The following GPAT3 variants were observed in gnomAD, a reference collection of about 807,000 sequenced individuals.
The protein encoded by GPAT3 is glycerol-3-phosphate acyltransferase 3.
GPAT3 carries 53 observed loss-of-function variants against 58.8 expected under a neutral mutation model. The observed-to-expected ratio is 0.90, with a 90% confidence interval of 0.72 to 1.13. The LOEUF is 1.13. Among genes scored for constraint, GPAT3 ranks in the 50% most tolerant of loss-of-function variants. GPAT3 has a pLI of 0.00. For synonymous variants in GPAT3, 197 were observed against 187.4 expected, an observed-to-expected ratio of 1.05 and a Z score of -0.42; for missense variants, 511 against 527.6, an observed-to-expected ratio of 0.97 and a Z score of 0.31.
chr4:83,587,679 G>A (rs1726430409), intron 4 of GPAT3, among the ~76,000 whole-genome samples: 1 of 152,076 alleles, frequency 6.6e-6, no homozygotes, highest in Admixed American at 6.6e-5. Flanking sequence ...GCTTTCCTTG[G>A]CCTCCCAAAG....
At chr4:83,603,267 A>T (rs1414584337) in intron 11 of GPAT3, among the ~76,000 whole-genome samples, 1 of 152,208 alleles carries the variant, frequency 6.6e-6, no homozygotes, top group Admixed American at 6.5e-5. Context: ...CAGCAACTCC[A>T]GTTTGTTGTT....
chr4:83,591,570 C>T (rs1726602227), intron 6 of GPAT3, among the ~76,000 whole-genome samples: 1 of 152,136 alleles, frequency 6.6e-6, no homozygotes, highest in Non-Finnish European at 1.5e-5. Context: ...ATACAAACAA[C>T]AATTTTATGT....
chr4:83,555,495 G>A (rs1246471358), intron 2 of GPAT3, among the ~76,000 whole-genome samples: 2 of 152,224 alleles, frequency 1.3e-5, no homozygotes, highest in African/African-American at 2.4e-5. Context: ...CAGGTGCCTG[G>A]TGGGAGGTGC....
chr4:83,536,983 T>C (rs1329827802), intron 1 of GPAT3, among the ~76,000 whole-genome samples: 1 of 152,202 alleles, frequency 6.6e-6, no homozygotes, highest in East Asian at 1.9e-4. Flanking sequence ...GACCACTCTG[T>C]TGTTTCTCTG....
At chr4:83,571,699 C>T (rs193274865) in intron 2 of GPAT3, among the ~76,000 whole-genome samples, 128 of 101,104 alleles carry the variant, frequency 1.3e-3, no homozygotes, top group Non-Finnish European at 2.8e-3. Context: ...TATATATATA[C>T]ACACACACAT....
chr4:83,567,788 A>AACAAC (rs1560614483), intron 2 of GPAT3, among the ~76,000 whole-genome samples: 8 of 152,200 alleles, frequency 5.3e-5, no homozygotes, highest in African/African-American at 1.9e-4. Context: ...ACAACAACAA[A>AACAAC]AAAAGCCTGG....
At chr4:83,542,098 G>T (rs1724326595) in intron 1 of GPAT3, among the ~76,000 whole-genome samples, 1 of 152,106 alleles carries the variant, frequency 6.6e-6, no homozygotes, top group Non-Finnish European at 1.5e-5. Context: ...CCCATAACAG[G>T]CACGGAATAC....
intron 2 of GPAT3, among the ~76,000 whole-genome samples, chr4:83,565,002 T>G (rs1046110611): frequency 6.6e-6 from 1 of 151,898 alleles, no homozygotes; most frequent in Non-Finnish European, 1.5e-5. Flanking sequence ...CAGATGTCTA[T>G]CTAGTTGTCG....
intron 2 of GPAT3, among the ~76,000 whole-genome samples, chr4:83,562,211 T>TATTA (rs55826032): frequency 4.1e-5 from 3 of 73,008 alleles, no homozygotes; most frequent in Non-Finnish European, 7.4e-5. Flanking sequence ...TATATATATA[T>TATTA]TATATATATA....
At chr4:83,571,735 T>C (rs1434864998) in intron 2 of GPAT3, among the ~76,000 whole-genome samples, 9 of 150,548 alleles carry the variant, frequency 6.0e-5, no homozygotes, top group Non-Finnish European at 8.9e-5. Flanking sequence ...TATATATATA[T>C]ACACGCATAT....
intron 2 of GPAT3, among the ~76,000 whole-genome samples, chr4:83,549,705 T>C (rs1410296571): frequency 7.9e-6 from 1 of 127,132 alleles, no homozygotes; most frequent in Non-Finnish European, 1.7e-5. Context: ...CTAATTTTTG[T>C]ATATATTTAT....
At chr4:83,574,938 C>G (rs1425355388) in intron 2 of GPAT3, among the ~76,000 whole-genome samples, 5 of 144,242 alleles carry the variant, frequency 3.5e-5, no homozygotes, top group Non-Finnish European at 7.5e-5. Flanking sequence ...TGCAGTGGCG[C>G]GATCTCGGCT....
At chr4:83,599,504 T>A (rs1459269523) in intron 11 of GPAT3, among the ~76,000 whole-genome samples, 3 of 152,206 alleles carry the variant, frequency 2.0e-5, no homozygotes, top group African/African-American at 2.4e-5. Context: ...GGTGGCTATA[T>A]GCCTATCTCA....
chr4:83,595,989 C>G (rs1276026269), intron 7 of GPAT3, among the ~76,000 whole-genome samples: 1 of 152,222 alleles, frequency 6.6e-6, no homozygotes, highest in Non-Finnish European at 1.5e-5. Context: ...CAGCTGCAGT[C>G]TGGCTACCTC....
At chr4:83,561,138 C>T (rs1244544787) in intron 2 of GPAT3, among the ~76,000 whole-genome samples, 2 of 152,142 alleles carry the variant, frequency 1.3e-5, no homozygotes, top group Non-Finnish European at 2.9e-5. Context: ...TTAGAGAAAA[C>T]AGCACAATGG....
At chr4:83,538,486 T>C (rs1724182795) in intron 1 of GPAT3, among the ~76,000 whole-genome samples, 1 of 152,200 alleles carries the variant, frequency 6.6e-6, no homozygotes, top group African/African-American at 2.4e-5. Flanking sequence ...GTTCCCTCTT[T>C]CTCTGAACTC....
At chr4:83,586,852 T>C (rs1290978462) in intron 3 of GPAT3, among the ~76,000 whole-genome samples, 4 of 152,244 alleles carry the variant, frequency 2.6e-5, no homozygotes, top group African/African-American at 7.2e-5. Context: ...GTGGTATATT[T>C]TGGTGTTCTT....
upstream of GPAT3, chr4:83,535,654 G>A (rs146711231): frequency 2.4e-4 from 231 of 966,282 alleles, 2 homozygotes; most frequent in African/African-American, 3.6e-3. Context: ...GGGAGATGGC[G>A]GCTCAGTGGG....
chr4:83,567,853 T>C (rs916098221), intron 2 of GPAT3, among the ~76,000 whole-genome samples: 4 of 152,190 alleles, frequency 2.6e-5, no homozygotes, highest in Non-Finnish European at 5.9e-5. Context: ...TTTTGCTGCC[T>C]GCAACATTAT....
Sources: allele counts gnomAD v4.1 joint callset (sites outside exome capture counted in the v4.1 genomes callset), GRCh38; gene constraint gnomAD v4.1.1; transcripts MANE v1.5; gene names NCBI Gene and HGNC (gene_info 2026-07-23, HGNC 2026-07-21).